Variants in C4BPA observed in about 807,000 individuals in gnomAD.
C4BPA encodes C4b-binding protein alpha chain.
A neutral mutation model predicts 63.7 loss-of-function variants in C4BPA; 31 were observed. That is an observed-to-expected ratio of 0.49 (90% CI 0.37 to 0.66). The LOEUF (loss-of-function observed/expected upper bound fraction) is 0.66. Ranked by LOEUF, C4BPA falls within the 30% of genes least tolerant of loss-of-function variation. The pLI is 0.00. For missense variants in C4BPA, 572 were observed against 723.3 expected, an observed-to-expected ratio of 0.79 and a Z score of 2.40; for synonymous variants, 259 against 254.7, an observed-to-expected ratio of 1.02 and a Z score of -0.16.
intron 9 of C4BPA, among the ~76,000 whole-genome samples, chr1:207,137,632 TTTTGA>T (rs990391996): frequency 2.0e-5 from 3 of 147,100 alleles, no homozygotes; most frequent in South Asian, 2.1e-4. Context: ...TTTTGTTTTG[TTTTGA>T]GACAGAGTTT....
At chr1:207,126,993 T>C (rs1440207495) in intron 7 of C4BPA, 98 bp downstream of exon 7, 4 of 820,446 alleles carry the variant, frequency 4.9e-6, no homozygotes, top group Non-Finnish European at 7.6e-6. Flanking sequence ...TACTATGAAT[T>C]ACAGTAAAAA....
chr1:207,124,144 GTATT>G (rs773977537), intron 5 of C4BPA, 27 bp from the exon 6 acceptor site: 2 of 1,595,092 alleles, frequency 1.3e-6, no homozygotes, highest in Admixed American at 3.4e-5. Flanking sequence ...CCTTCGCTGA[GTATT>G]TCTTTCTCTT....
Sources: gnomAD v4.1 joint callset for allele counts (sites outside exome capture counted in the v4.1 genomes callset) on GRCh38, gnomAD v4.1.1 for gene constraint, MANE v1.5 for transcripts, NCBI Gene and HGNC (gene_info 2026-07-23, HGNC 2026-07-21) for gene names.